NFRKB: variants seen among roughly 807,000 people sequenced by gnomAD.
NFRKB encodes nuclear factor related to kappaB binding protein.
In NFRKB, 62 loss-of-function variants were observed where a neutral mutation model predicts 135.7. The observed-to-expected ratio is 0.46, with a 90% CI of 0.37 to 0.56. The LOEUF (loss-of-function observed/expected upper bound fraction) is 0.56, where lower values mean the gene tolerates loss of function less well. NFRKB is among the 20% of genes least tolerant of loss of function. NFRKB has a pLI of 0.00. For synonymous variants in NFRKB, 678 were observed against 635.6 expected, an observed-to-expected ratio of 1.07 and a Z score of -1.00; for missense variants, 1,545 against 1,662.0, an observed-to-expected ratio of 0.93 and a Z score of 1.22.
chr11:129,870,828 C>T (rs1948463968), intron 23 of NFRKB, among the ~76,000 whole-genome samples: 1 of 152,166 alleles, frequency 6.6e-6, no homozygotes. Context: ...TATCTTCTCC[C>T]TTCTACTGGA....
At chr11:129,889,293 T>C (rs1949426755) in intron 3 of NFRKB, among the ~76,000 whole-genome samples, 1 of 152,210 alleles carries the variant, frequency 6.6e-6, no homozygotes, top group South Asian at 2.1e-4. Context: ...AAAATTCCAA[T>C]GATCTTGAGA....
rs1242807263 is a variant in NFRKB at position 129,870,067 on chromosome 11, G to C, written c.2958C>G (p.Thr986=). The C allele has an allele frequency of 1.2e-6, 2 of 1,614,240 alleles. No homozygotes were observed. The highest frequency in any genetic ancestry group is 1.7e-6 in the Non-Finnish European group (2 of 1,180,046). Reference sequence around the variant, plus strand: ...AGAGGTCCTGGGTCAATTTGACTGTGGTAACCTGGGACTTGGCCAATGTGG... The same window carrying C: ...AGAGGTCCTGGGTCAATTTGACTGTCGTAACCTGGGACTTGGCCAATGTGG... ...MMATLAKSQV[T]TVKLTQDLFG... The change falls in exon 24 of 27, where the codon ACC becomes ACG. Residue 986 remains threonine, a synonymous_variant. Coordinates refer to ENST00000682444, the MANE Select transcript of NFRKB (RefSeq NM_001143835.2).
intron 7 of NFRKB, 78 bp downstream of exon 7, chr11:129,884,667 A>T: frequency 6.6e-7 from 1 of 1,526,360 alleles, no homozygotes; most frequent in Non-Finnish European, 9.0e-7. Flanking sequence ...ATCTGCCCCC[A>T]CCCACCTCCC....
chr11:129,883,665 A>T (rs1949133734), intron 8 of NFRKB, among the ~76,000 whole-genome samples: 1 of 152,070 alleles, frequency 6.6e-6, no homozygotes, highest in African/African-American at 2.4e-5. Context: ...TCTCCACTGA[A>T]CTCTCTGGCT....
At chr11:129,887,161 C>T (rs773060541) in intron 4 of NFRKB, among the ~76,000 whole-genome samples, 12 of 152,148 alleles carry the variant, frequency 7.9e-5, no homozygotes, top group Non-Finnish European at 1.6e-4. Context: ...TCTCCATGGT[C>T]CAGAAAGCAA....
intron 12 of NFRKB, 62 bp from the exon 13 acceptor site, chr11:129,881,570 T>G: frequency 6.2e-7 from 1 of 1,606,954 alleles, no homozygotes; most frequent in Non-Finnish European, 8.5e-7. Context: ...CGAAACAGCT[T>G]TTGAGTGTTC....
rs564750002 is a variant in NFRKB, at chr11:129,885,422, C to T, written c.640+13G>A. The T allele has an allele frequency of 2.6e-5, 41 of 1,592,090 alleles. No homozygotes were observed. In the East Asian group the frequency reaches 7.0e-4, roughly 27 times the overall value. On this transcript the variant is annotated intron_variant, in intron 6 of 26. Transcript: ENST00000682444. ...CAATACCCCAGCTACCCCAAGTGCC[C>T]GAGGACACTCACCCTCTTCATCAGA... is the stretch of plus-strand genomic sequence containing the variant.
rs756893744 is a variant in NFRKB, at chr11:129,873,918, C to G, written c.2377G>C (p.Val793Leu). The G allele has an allele frequency of 6.2e-7, 1 of 1,613,644 alleles. No individual in the cohort carries two copies. Among genetic ancestry groups the G allele is most frequent in the Admixed American group, 1.7e-5 (1 of 60,022 alleles). The change falls in exon 22 of 27, where the codon GTC becomes CTC. Residue 793 changes from valine to leucine, a missense_variant. Val to Leu is a conservative substitution (Grantham distance 32). Around this residue, in one of 3 missense-constraint regions of NFRKB, gnomAD observed 753 missense variants for 804.3 expected, o/e 0.94. Coordinates refer to ENST00000682444, the MANE Select transcript of NFRKB (RefSeq NM_001143835.2). Reference sequence around the variant, plus strand: ...CCAGCAGAGCCAGAGTGGCTCACGACCCGGGCGGCAGCCTGAGAACTGGGT... The same window carrying G: ...CCAGCAGAGCCAGAGTGGCTCACGAGCCGGGCGGCAGCCTGAGAACTGGGT... ...TAPSSQAAAR[V>L]VSHSGSAGLS...
chr11:129,875,556 T>C (rs1293467354), intron 17 of NFRKB, 93 bp from the exon 18 acceptor site: 13 of 916,282 alleles, frequency 1.4e-5, no homozygotes, highest in African/African-American at 4.9e-5. Context: ...CAAAGCTGCC[T>C]GGGGTTCCTG....
At position 129,874,186 on chromosome 11, in the gene NFRKB, A is replaced by T; in HGVS notation, c.2206T>A (p.Ser736Thr). ...TTPALPAIPI[S>T]PPPVSAVNKS... ...TTCACTGCCGATACAGGTGGAGGGG[A>T]GATGGGAATGGCGGGCAATGCTGGT... Residue 736 changes from serine to threonine, a missense_variant, in exon 21 of 27, where the codon TCC (serine) becomes ACC (threonine). Physicochemically the swap from Ser to Thr is moderately conservative, Grantham distance 58. Coordinates refer to ENST00000682444, the MANE Select transcript of NFRKB (RefSeq NM_001143835.2). The surrounding 1 kb of genome is among the most constrained non-coding windows in gnomAD (Gnocchi z 4.5). 5.9e-6 allele frequency: 9 copies of T among 1,520,042 alleles called. No individual in the cohort carries two copies. Among genetic ancestry groups the T allele is most frequent in the Non-Finnish European group, 7.9e-6 (9 of 1,135,804 alleles). The allele number at this position is 1,520,042 out of a possible 1,614,324, so 94.2% of individuals were successfully genotyped here. A position where few individuals can be genotyped will look rare whatever the true frequency, so the allele number is the denominator to read the frequency against.
At chr11:129,886,519 A>T in intron 4 of NFRKB, 75 bp from the exon 5 acceptor site, 1 of 1,353,744 alleles carries the variant, frequency 7.4e-7, no homozygotes, top group African/African-American at 1.4e-5. Context: ...ATATTGAATG[A>T]GTGCTTAACA....
Position 129,874,411 on chromosome 11 carries a change from A to T in NFRKB, c.2059-78T>A. Reference sequence around the variant, plus strand: ...GGAAGGGACACCCCTACAGCTCCTGATGCCCCACACCAAGTGAAAGCCGAG... The same window carrying T: ...GGAAGGGACACCCCTACAGCTCCTGTTGCCCCACACCAAGTGAAAGCCGAG... On this transcript the variant is annotated intron_variant, in intron 20 of 26. Coordinates refer to ENST00000682444, the MANE Select transcript of NFRKB (RefSeq NM_001143835.2). This position sits in a 1 kb window ranked among gnomAD's most constrained non-coding sequence, Gnocchi z 4.5. 5 of 1,539,584 alleles carry T rather than the reference A, an allele frequency of 3.2e-6. No homozygotes were observed. Among genetic ancestry groups the T allele is most frequent in the Non-Finnish European group, 3.5e-6 (4 of 1,144,948 alleles).
At chr11:129,883,649 ATCT>A (rs1262780894) in intron 8 of NFRKB, among the ~76,000 whole-genome samples, 1 of 152,174 alleles carries the variant, frequency 6.6e-6, no homozygotes, top group East Asian at 1.9e-4. Flanking sequence ...AAAAGGTATC[ATCT>A]TTTCTCCACT....
chr11:129,881,535 A>G (rs2135662253), intron 12 of NFRKB, 27 bp from the exon 13 acceptor site: 2 of 1,613,568 alleles, frequency 1.2e-6, no homozygotes, highest in Non-Finnish European at 1.7e-6. Context: ...ACATAAACAA[A>G]CCATACAGGT....
intron 23 of NFRKB, among the ~76,000 whole-genome samples, chr11:129,871,705 T>C (rs1948516098): frequency 6.6e-6 from 1 of 152,186 alleles, no homozygotes; most frequent in African/African-American, 2.4e-5. Context: ...GCCTTGCCTC[T>C]CACCTGGACG....
chr11:129,888,309 C>T (rs367680655), intron 4 of NFRKB: 1 of 603,910 alleles, frequency 1.7e-6, no homozygotes. Context: ...ACATGAAGGG[C>T]ACCTCTAGTA....
intron 11 of NFRKB, 25 bp from the exon 12 acceptor site, chr11:129,881,878 C>T (rs1018161120): frequency 1.3e-6 from 2 of 1,572,748 alleles, no homozygotes; most frequent in Middle Eastern, 1.7e-4. Context: ...AGGCAGAACC[C>T]AGTCAGACTT....
At position 129,876,801 on chromosome 11, in the gene NFRKB, T is replaced by C. The variant is rs1019968033; in HGVS notation, c.1667A>G (p.Lys556Arg). ...CCGAGCCTTGTTGAGCGAGGTCTCC[T>C]TGTCAAACACGCCCTTCACTGGCCC... ...VVGPVKGVFD[K>R]ETSLNKAREH... Residue 556 changes from lysine (K) to arginine (R), a missense_variant, in exon 17 of 27, where the codon AAG (lysine) becomes AGG (arginine). Lys to Arg is a conservative substitution (Grantham distance 26). Transcript: ENST00000682444. The C allele has an allele frequency of 1.2e-6, 2 of 1,614,102 alleles. No individual in the cohort carries two copies. Among genetic ancestry groups the C allele is most frequent in the Non-Finnish European group, 1.7e-6 (2 of 1,180,002 alleles).
chr11:129,887,500 G>C (rs980988360), intron 4 of NFRKB, among the ~76,000 whole-genome samples: 1 of 152,112 alleles, frequency 6.6e-6, no homozygotes, highest in African/African-American at 2.4e-5. Context: ...TATTCCTGCC[G>C]AAAGCCTTTA....
Sources: gnomAD v4.1 joint callset for allele counts (sites outside exome capture counted in the v4.1 genomes callset) on GRCh38, gnomAD v4.1.1 for gene constraint, gnomAD v4.1.1 regional missense constraint, Gnocchi (gnomAD v3.1) non-coding constraint, MANE v1.5 for transcripts, NCBI Gene and HGNC (gene_info 2026-07-23, HGNC 2026-07-21) for gene names.